HID1: variants seen among roughly 807,000 people sequenced by gnomAD.
HID1 encodes HID1 domain containing.
In HID1, 42 loss-of-function variants were observed where a neutral mutation model predicts 89.7. The ratio of observed to expected loss-of-function variants is 0.47; its 90% CI spans 0.37 to 0.61. HID1 has a LOEUF of 0.61. HID1 is among the 20% of genes least tolerant of loss of function. The pLI is 0.00. For synonymous variants in HID1, 442 were observed against 433.8 expected (o/e 1.02, Z -0.24); for missense variants, 854 against 1,039.3 (o/e 0.82, Z 2.45).
In HID1 at chr17:74,963,123, C is replaced by T. The variant is rs747410475; in HGVS notation, c.388-42G>A. On this transcript the variant is annotated intron_variant, in intron 3 of 18. Coordinates refer to ENST00000425042, the MANE Select transcript of HID1 (RefSeq NM_030630.3). ...CACAGGCTGCCTCAGTGATAGCTGG[C>T]CAGGAAGAGGTGGCCCAGGGCTTGG... The T allele has an allele frequency of 5.8e-5, 84 of 1,457,808 alleles. 1 individual carries two copies. The Middle Eastern group carries it at 3.6e-3, about 63-fold the overall frequency. The allele number at this position is 1,457,808 out of a possible 1,614,324, so 90.3% of individuals were successfully genotyped here.
chr17:74,954,068 A>G, intron 14 of HID1, 70 bp downstream of exon 14: 10 of 1,400,296 alleles, frequency 7.1e-6, no homozygotes, highest in Non-Finnish European at 9.9e-6. Context: ...TGGGGGTGAC[A>G]CCCCGAGACC....
At chr17:74,960,474 G>A (rs2039462829) in intron 6 of HID1, among the ~76,000 whole-genome samples, 1 of 152,236 alleles carries the variant, frequency 6.6e-6, no homozygotes, top group Non-Finnish European at 1.5e-5. Context: ...GGTCCTCAGA[G>A]ATGGGAATGG....
At chr17:74,968,284 T>A (rs2039592613) in intron 1 of HID1, among the ~76,000 whole-genome samples, 1 of 137,604 alleles carries the variant, frequency 7.3e-6, no homozygotes, top group African/African-American at 2.7e-5. Flanking sequence ...GTCCCTGACC[T>A]TGCCAGTAAG....
rs1296441257 is a variant in HID1, at chr17:74,962,210, G to C, written c.611+24C>G. The C allele has an allele frequency of 1.3e-6, 2 of 1,572,716 alleles. No homozygotes were observed. Among genetic ancestry groups the C allele is most frequent in the South Asian group, 2.3e-5 (2 of 88,522 alleles). On this transcript the variant is annotated intron_variant, in intron 5 of 18. Coordinates refer to ENST00000425042, the MANE Select transcript of HID1 (RefSeq NM_030630.3). This position sits in a 1 kb window ranked among gnomAD's most constrained non-coding sequence, Gnocchi z 4.3. ...GGCCCGGGGTCCAGCTGCATTGAGGGCTCCGGGCCTGGGCGAAGCTCACCG... is the reference window on the plus strand; with the variant it reads ...GGCCCGGGGTCCAGCTGCATTGAGGCCTCCGGGCCTGGGCGAAGCTCACCG...
intron 13 of HID1, among the ~76,000 whole-genome samples, chr17:74,955,373 C>T (rs773615550): frequency 4.6e-5 from 7 of 151,680 alleles, no homozygotes; most frequent in Non-Finnish European, 7.4e-5. Context: ...TGGTGGGGGG[C>T]GCCTGTAATC....
In HID1 at chr17:74,961,846, A is replaced by G. The variant is rs748015226; in HGVS notation, c.728+27T>C. On this transcript the variant is annotated intron_variant, in intron 6 of 18. Coordinates refer to ENST00000425042, the MANE Select transcript of HID1 (RefSeq NM_030630.3). ...GATTGCCTGGAATAAGAGGGAAGAG[A>G]GCGCAGAAAGGCCAAGGGCCCTTCA... The G allele has an allele frequency of 2.2e-6, 3 of 1,353,140 alleles. No individual in the cohort carries two copies. The East Asian group carries it at 8.1e-5, about 36-fold the overall frequency. The allele number at this position is 1,353,140 out of a possible 1,614,324, so 83.8% of individuals were successfully genotyped here.
chr17:74,964,363 G>A (rs1009452984), intron 2 of HID1, 120 bp downstream of exon 2: 61 of 1,115,444 alleles, frequency 5.5e-5, no homozygotes, highest in Non-Finnish European at 7.5e-5. Flanking sequence ...AAGTGGAAGA[G>A]CTGAGTGAGG....
intron 18 of HID1, 41 bp downstream of exon 18, chr17:74,951,864 C>T (rs2144796659): frequency 2.0e-6 from 3 of 1,477,834 alleles, no homozygotes; most frequent in Admixed American, 2.5e-5. Flanking sequence ...CCCTGCTGGG[C>T]AGGCTCTCAG....
chr17:74,960,789 G>A (rs2039467643), intron 6 of HID1, among the ~76,000 whole-genome samples: 1 of 152,224 alleles, frequency 6.6e-6, no homozygotes, highest in African/African-American at 2.4e-5. Flanking sequence ...TAGGAAACCT[G>A]AAGAATAAGG....
Position 74,951,381 on chromosome 17 carries a change from G to C in HID1, c.*189C>G. ...GGGGCTCCTGTGAGTCCAGCCTAGG[G>C]GTTGAGGGGGATCTGAGCCAGTTCA... On this transcript the variant is annotated 3_prime_UTR_variant, in exon 19 of 19. Coordinates refer to ENST00000425042, the MANE Select transcript of HID1 (RefSeq NM_030630.3). 3.3e-6 allele frequency: 2 copies of C among 615,246 alleles called. No homozygotes were observed. Among genetic ancestry groups the C allele is most frequent in the Non-Finnish European group, 5.8e-6 (2 of 345,976 alleles). 38.1% of individuals were successfully genotyped at this position (615,246 alleles called of 1,614,324 possible).
In HID1 at chr17:74,961,854, A is replaced by C. The variant is rs1442318615; in HGVS notation, c.728+19T>G. On this transcript the variant is annotated intron_variant, in intron 6 of 18. Transcript: ENST00000425042. ...GGAATAAGAGGGAAGAGAGCGCAGA[A>C]AGGCCAAGGGCCCTTCACCTGTTCT... 3 of 1,401,004 alleles carry C rather than the reference A, an allele frequency of 2.1e-6. No individual in the cohort carries two copies. The highest frequency in any genetic ancestry group is 5.6e-5 in the East Asian group (2 of 35,700). The allele number at this position is 1,401,004 out of a possible 1,614,324, so 86.8% of individuals were successfully genotyped here. A position where few individuals can be genotyped will look rare whatever the true frequency, so the allele number is the denominator to read the frequency against.
In HID1 at chr17:74,972,463, G is replaced by T; in HGVS notation, c.66+128C>A. On this transcript the variant is annotated intron_variant, in intron 1 of 18. Transcript: ENST00000425042. The surrounding 1 kb of genome is among the most constrained non-coding windows in gnomAD (Gnocchi z 6.4). The stretch of plus-strand genomic sequence containing the variant: ...GGCCGCGGGGTCCCGTTCCGGCGCT[G>T]GCCTTGGCGTTACGCTCGGGGCCCG... 1 of 882,992 alleles carries T rather than the reference G, an allele frequency of 1.1e-6. No individual in the cohort carries two copies. The highest frequency in any genetic ancestry group is 1.7e-6 in the Non-Finnish European group (1 of 591,400). 54.7% of individuals were successfully genotyped at this position (882,992 alleles called of 1,614,324 possible). A position where few individuals can be genotyped will look rare whatever the true frequency, so the allele number is the denominator to read the frequency against.
In HID1 at chr17:74,972,578, C is replaced by A; in HGVS notation, c.66+13G>T. ...GGCAGGTGGATGGGGACGCCGGGGC[C>A]CCCGTGGCGCACCTGCGTCTTGGTG... On this transcript the variant is annotated intron_variant, in intron 1 of 18. Coordinates refer to ENST00000425042, the MANE Select transcript of HID1 (RefSeq NM_030630.3). The surrounding 1 kb of genome is among the most constrained non-coding windows in gnomAD (Gnocchi z 6.4). 1.3e-6 allele frequency: 2 copies of A among 1,545,938 alleles called. No individual in the cohort carries two copies. The highest frequency in any genetic ancestry group is 1.7e-4 in the Middle Eastern group (1 of 5,896).
Position 74,962,136 on chromosome 17 carries a change from A to G in HID1, c.611+98T>C. ...GGTCAAGGTCGGGTCATAGGTGAGG[A>G]CGGTCTTCTGGGAAGACCCCATGGG... On this transcript the variant is annotated intron_variant, in intron 5 of 18. Transcript: ENST00000425042. The surrounding 1 kb of genome is among the most constrained non-coding windows in gnomAD (Gnocchi z 4.3). The G allele has an allele frequency of 8.5e-7, 1 of 1,181,732 alleles. No individual in the cohort carries two copies. Among genetic ancestry groups the G allele is most frequent in the South Asian group, 1.5e-5 (1 of 68,396 alleles). 73.2% of individuals were successfully genotyped at this position (1,181,732 alleles called of 1,614,324 possible).
In HID1 at chr17:74,972,581, C is replaced by G. The variant is rs1419632182; in HGVS notation, c.66+10G>C. The G allele has an allele frequency of 2.6e-6, 4 of 1,546,324 alleles. No homozygotes were observed. The highest frequency in any genetic ancestry group is 3.5e-6 in the Non-Finnish European group (4 of 1,144,480). On this transcript the variant is annotated intron_variant, in intron 1 of 18. Transcript: ENST00000425042. This position sits in a 1 kb window ranked among gnomAD's most constrained non-coding sequence, Gnocchi z 6.4. ...AGGTGGATGGGGACGCCGGGGCCCC[C>G]GTGGCGCACCTGCGTCTTGGTGGTG...
At chr17:74,957,413 G>T (rs1021350746) in intron 12 of HID1, among the ~76,000 whole-genome samples, 4 of 151,988 alleles carry the variant, frequency 2.6e-5, no homozygotes, top group Non-Finnish European at 5.9e-5. Flanking sequence ...AACCTGGGAG[G>T]TTGCAGTGAA....
Position 74,952,077 on chromosome 17 carries a change from G to A in HID1, c.2145-14C>T, listed in dbSNP as rs2039310476. 3 of 1,554,552 alleles carry A rather than the reference G, an allele frequency of 1.9e-6. No homozygotes were observed. The highest frequency in any genetic ancestry group is 2.4e-5 in the South Asian group (2 of 84,314). ...TCCGTCAGGCCCCTGCGGGGAGAGG[G>A]GTATCTCCAGCACACTCACGTGGTC... On this transcript the variant is annotated splice_polypyrimidine_tract_variant and intron_variant, in intron 17 of 18. Coordinates refer to ENST00000425042, the MANE Select transcript of HID1 (RefSeq NM_030630.3).
At chr17:74,954,513 G>T (rs2039359264) in intron 13 of HID1, 148 bp from the exon 14 acceptor site, 2 of 1,409,026 alleles carry the variant, frequency 1.4e-6, no homozygotes, top group African/African-American at 2.8e-5. Context: ...CCAAGAGAGG[G>T]TGCTGGGGCA....
At position 74,958,247 on chromosome 17, in the gene HID1, G is replaced by A; in HGVS notation, c.1393-28C>T. 6.2e-7 allele frequency: 1 copy of A among 1,608,228 alleles called. No individual in the cohort carries two copies. The highest frequency in any genetic ancestry group is 8.5e-7 in the Non-Finnish European group (1 of 1,177,496). On this transcript the variant is annotated intron_variant, in intron 11 of 18. Transcript: ENST00000425042. The surrounding 1 kb of genome is among the most constrained non-coding windows in gnomAD (Gnocchi z 5.2). Reference sequence around the variant, plus strand: ...GTGCCAGGAGGGACAGAGGCACCGTGGGGTCCCCGCTGCCTCCAGACTCAG... The same window carrying A: ...GTGCCAGGAGGGACAGAGGCACCGTAGGGTCCCCGCTGCCTCCAGACTCAG...
Sources: gnomAD v4.1 joint callset for allele counts (sites outside exome capture counted in the v4.1 genomes callset) on GRCh38, gnomAD v4.1.1 for gene constraint, Gnocchi (gnomAD v3.1) non-coding constraint, MANE v1.5 for transcripts, NCBI Gene and HGNC (gene_info 2026-07-23, HGNC 2026-07-21) for gene names.